ERBB4: variants seen among roughly 807,000 people sequenced by gnomAD.
ERBB4 encodes receptor tyrosine-protein kinase erbB-4.
Under a neutral mutation model 158.0 loss-of-function variants are expected in ERBB4, and 42 were observed. That is an observed-to-expected ratio of 0.27 (90% CI 0.21 to 0.34). The LOEUF (loss-of-function observed/expected upper bound fraction) is 0.34. Ranked by LOEUF, ERBB4 falls within the 10% of genes least tolerant of loss-of-function variation. The pLI is 1.00. For synonymous variants in ERBB4, 583 were observed against 558.7 expected, an observed-to-expected ratio of 1.04 and a Z score of -0.61; for missense variants, 1,333 against 1,624.1, an observed-to-expected ratio of 0.82 and a Z score of 3.08.
chr2:212,286,611 T>TTGTTTTTTTTTTTG (rs2085983761), intron 1 of ERBB4, among the ~76,000 whole-genome samples: 1 of 136,114 alleles, frequency 7.3e-6, no homozygotes, highest in African/African-American at 2.8e-5. Flanking sequence ...TTTTTTTTTT[T>TTGTTTTTTTTTTTG]TTTTTTTTTG....
intron 1 of ERBB4, among the ~76,000 whole-genome samples, chr2:212,451,404 A>G (rs2092444158): frequency 6.6e-6 from 1 of 152,210 alleles, no homozygotes; most frequent in Admixed American, 6.5e-5. Context: ...ATATCCTCAA[A>G]TAGAACTGAC....
chr2:211,930,195 T>C (rs562644659), intron 3 of ERBB4, among the ~76,000 whole-genome samples: 2 of 152,164 alleles, frequency 1.3e-5, no homozygotes, highest in Admixed American at 6.6e-5. Flanking sequence ...AGCAAGGATA[T>C]AGACATAATT....
chr2:212,282,732 T>C (rs2085805540), intron 1 of ERBB4, among the ~76,000 whole-genome samples: 1 of 151,866 alleles, frequency 6.6e-6, no homozygotes, highest in Non-Finnish European at 1.5e-5. Flanking sequence ...GGAAAGTGCC[T>C]GGGAATTTGT....
At chr2:212,497,432 T>C (rs1690643477) in intron 1 of ERBB4, among the ~76,000 whole-genome samples, 1 of 152,196 alleles carries the variant, frequency 6.6e-6, no homozygotes, top group African/African-American at 2.4e-5. Context: ...CTAAGTTTTC[T>C]GTCCATTCAT....
chr2:212,183,093 T>C (rs756017249), intron 1 of ERBB4, among the ~76,000 whole-genome samples: 1 of 151,884 alleles, frequency 6.6e-6, no homozygotes, highest in Non-Finnish European at 1.5e-5. Context: ...TCTCCTTAAG[T>C]TAAAACGATG....
At position 211,944,213 on chromosome 2, in the gene ERBB4, T is replaced by C. The variant is rs868402014; in HGVS notation, c.421+3217A>G. 1.6e-3 allele frequency among the ~76,000 whole-genome samples: 47 copies of C among 29,080 alleles called. 1 individual carries two copies. The highest frequency in any genetic ancestry group is 2.9e-3 in the Admixed American group (8 of 2,790). The allele number at this position is 29,080 out of a possible 152,430, so 19.1% of individuals were successfully genotyped here. ...TATATATATATACTATATATATATA[T>C]ACACACACACACAAAAAAAAAGAAC... On this transcript the variant is annotated intron_variant, in intron 3 of 27. Coordinates refer to ENST00000342788, the MANE Select transcript of ERBB4 (RefSeq NM_005235.3).
chr2:212,491,166 T>C (rs2054617), intron 1 of ERBB4, among the ~76,000 whole-genome samples: 91,524 of 151,350 alleles, frequency 0.6, 29,304 homozygotes, highest in African/African-American at 0.81. Context: ...CAAACGTCTG[T>C]ATTGTTTTAG....
chr2:212,273,535 G>T (rs1280263653), intron 1 of ERBB4, among the ~76,000 whole-genome samples: 4 of 151,614 alleles, frequency 2.6e-5, no homozygotes, highest in South Asian at 2.1e-4. Flanking sequence ...TCCTTCCAAG[G>T]TCCGTACAAT....
intron 1 of ERBB4, among the ~76,000 whole-genome samples, chr2:212,204,414 T>C (rs538717957): frequency 2.0e-5 from 3 of 152,266 alleles, no homozygotes; most frequent in African/African-American, 7.2e-5. Flanking sequence ...TCAGTATTTG[T>C]GGGCCAGGCG....
At chr2:212,098,087 A>C (rs2078981236) in intron 2 of ERBB4, among the ~76,000 whole-genome samples, 1 of 152,162 alleles carries the variant, frequency 6.6e-6, no homozygotes, top group Admixed American at 6.5e-5. Context: ...ACTCATAGAC[A>C]ATAAAGAAAA....
At chr2:212,354,332 G>A (rs1445239769) in intron 1 of ERBB4, among the ~76,000 whole-genome samples, 2 of 152,042 alleles carry the variant, frequency 1.3e-5, no homozygotes, top group Non-Finnish European at 2.9e-5. Flanking sequence ...AGACTCCTGA[G>A]GTGCTTTGCA....
chr2:211,595,472 G>C (rs960704851), intron 19 of ERBB4, among the ~76,000 whole-genome samples: 2 of 152,126 alleles, frequency 1.3e-5, no homozygotes, highest in Admixed American at 6.5e-5. Flanking sequence ...CAGAGGATGA[G>C]AGGGTCTTGT....
chr2:211,921,087 T>TA lies in ERBB4; in HGVS notation c.421+26342dup, dbSNP rs540135721. 9.2e-5 allele frequency among the ~76,000 whole-genome samples: 14 copies of TA among 151,586 alleles called. No individual in the cohort carries two copies. The South Asian group carries it at 2.5e-3, about 27-fold the overall frequency. On this transcript the variant is annotated intron_variant, in intron 3 of 27. Transcript: ENST00000342788. ...ATAAATAACACTTGATGCCAAACTT[T>TA]AAAAAAAAATCTTGCTGTATCTTTA...
intron 1 of ERBB4, among the ~76,000 whole-genome samples, chr2:212,522,499 C>G (rs1345270939): frequency 6.6e-6 from 1 of 151,790 alleles, no homozygotes; most frequent in Admixed American, 6.6e-5. Flanking sequence ...AGATATCGAG[C>G]AGGCAGTAGA....
intron 19 of ERBB4, among the ~76,000 whole-genome samples, chr2:211,588,436 A>T (rs571308974): frequency 6.6e-6 from 1 of 152,306 alleles, no homozygotes; most frequent in East Asian, 1.9e-4. Flanking sequence ...ATTTAAATAG[A>T]CAATCTAATA....
Position 212,520,148 on chromosome 2 carries a change from C to T in ERBB4, c.82+18301G>A, listed in dbSNP as rs146880341. ...TAAAATATGTTGTTAACACTTCTGT[C>T]TTCTATTTATGATCAATCATTGGTT... On this transcript the variant is annotated intron_variant, in intron 1 of 27. Transcript: ENST00000342788. Among the ~76,000 whole-genome samples, 207 of 151,952 alleles carry T rather than the reference C, an allele frequency of 1.4e-3. 1 individual carries two copies. The highest frequency in any genetic ancestry group is 4.6e-3 in the African/African-American group (189 of 41,510).
chr2:211,687,701 G>C (rs1437861821), intron 12 of ERBB4, among the ~76,000 whole-genome samples: 1 of 152,006 alleles, frequency 6.6e-6, no homozygotes, highest in Non-Finnish European at 1.5e-5. Flanking sequence ...ATCTGTTGGG[G>C]ATTCTGAGTT....
chr2:212,431,306 TA>T (rs35419362), intron 1 of ERBB4, among the ~76,000 whole-genome samples: 8,302 of 86,734 alleles, frequency 0.096, 533 homozygotes, highest in African/African-American at 0.22. Flanking sequence ...CTGCTCATAT[TA>T]AAAAAAAAAA....
At chr2:212,474,526 A>AG (rs752733538) in intron 1 of ERBB4, among the ~76,000 whole-genome samples, 7 of 152,096 alleles carry the variant, frequency 4.6e-5, no homozygotes, top group Non-Finnish European at 7.4e-5. Context: ...CCAAGCTTCA[A>AG]GGGGGGCATG....
Sources: gnomAD v4.1 joint callset for allele counts (sites outside exome capture counted in the v4.1 genomes callset) on GRCh38, gnomAD v4.1.1 for gene constraint, MANE v1.5 for transcripts, NCBI Gene and HGNC (gene_info 2026-07-23, HGNC 2026-07-21) for gene names.